Variants in CDH3 observed in about 807,000 individuals in gnomAD.
CDH3 encodes cadherin-3.
CDH3 carries 54 observed loss-of-function variants against 82.0 expected under a neutral mutation model. The observed-to-expected ratio is 0.66, with a 90% confidence interval of 0.53 to 0.83. The LOEUF is 0.83. Ranked by LOEUF, CDH3 falls within the 40% of genes least tolerant of loss-of-function variation. The pLI, the probability that CDH3 is intolerant of heterozygous loss-of-function variation, is 0.00. For missense variants in CDH3, 1,054 were observed against 1,084.6 expected, an observed-to-expected ratio of 0.97 and a Z score of 0.40; for synonymous variants, 446 against 437.9, an observed-to-expected ratio of 1.02 and a Z score of -0.23.
At chr16:68,655,785 C>T (rs1345709847) in intron 2 of CDH3, among the ~76,000 whole-genome samples, 1 of 152,118 alleles carries the variant, frequency 6.6e-6, no homozygotes, top group Admixed American at 6.5e-5. Context: ...ATGGCTTGAA[C>T]CCAGGAGGCA....
chr16:68,655,855 G>A (rs1432563811), intron 2 of CDH3, among the ~76,000 whole-genome samples: 2 of 151,946 alleles, frequency 1.3e-5, no homozygotes, highest in South Asian at 2.1e-4. Context: ...AGAGCGAGAC[G>A]CCGTCTCAAA....
At chr16:68,696,119 G>A in intron 15 of CDH3, 196 bp downstream of exon 15, 2 of 666,906 alleles carry the variant, frequency 3.0e-6, no homozygotes, top group East Asian at 2.9e-5. Flanking sequence ...CTTGCAGAGT[G>A]GTTAAAAATG....
intron 1 of CDH3, among the ~76,000 whole-genome samples, chr16:68,711,827 A>G (rs1962034627): frequency 6.6e-6 from 1 of 152,060 alleles, no homozygotes; most frequent in Non-Finnish European, 1.5e-5. Flanking sequence ...GTCACCTTTC[A>G]GTATCGGACA....
At chr16:68,685,055 T>C in intron 10 of CDH3, 150 bp from the exon 11 acceptor site, 1 of 1,077,788 alleles carries the variant, frequency 9.3e-7, no homozygotes, top group South Asian at 1.3e-5. Flanking sequence ...CCTGCTGCTT[T>C]AGGTCCCCGT....
chr16:68,656,752 T>G (rs2152091909), intron 2 of CDH3, among the ~76,000 whole-genome samples: 1 of 152,284 alleles, frequency 6.6e-6, no homozygotes, highest in Non-Finnish European at 1.5e-5. Context: ...AGAGGAAGAT[T>G]GGAAATAGTT....
intron 8 of CDH3, 124 bp from the exon 9 acceptor site, chr16:68,682,177 TG>T: frequency 9.5e-7 from 1 of 1,057,110 alleles, no homozygotes; most frequent in Non-Finnish European, 1.4e-6. Flanking sequence ...CCCCGCAAAG[TG>T]GGTGGGTGGT....
chr16:68,713,596 G>C (rs189246246), intron 1 of CDH3, among the ~76,000 whole-genome samples: 79 of 152,232 alleles, frequency 5.2e-4, no homozygotes, highest in African/African-American at 1.8e-3. Context: ...AGCTATGCCA[G>C]AGTGACCTTT....
At chr16:68,706,782 G>A (rs1179117818) in intron 1 of CDH3, among the ~76,000 whole-genome samples, 2 of 151,916 alleles carry the variant, frequency 1.3e-5, no homozygotes, top group Non-Finnish European at 2.9e-5. Flanking sequence ...TCGAACTCTT[G>A]ACCTCAAATG....
chr16:68,661,273 C>G (rs1960569491), intron 2 of CDH3, among the ~76,000 whole-genome samples: 1 of 152,094 alleles, frequency 6.6e-6, no homozygotes, highest in African/African-American at 2.4e-5. Context: ...AATTGGGGTC[C>G]CAGAGCCACT....
At chr16:68,683,685 ATCCAGCCTGGACAACATGG>A in intron 9 of CDH3, among the ~76,000 whole-genome samples, 1 of 28,396 alleles carries the variant, frequency 3.5e-5, no homozygotes, top group African/African-American at 1.4e-4. Context: ...AAAAAAGAAA[ATCCAGCCTGGACAACATGG>A]AGAAAAAAAA....
chr16:68,671,144 AGATT>A (rs1266948496), intron 2 of CDH3, among the ~76,000 whole-genome samples: 4 of 150,350 alleles, frequency 2.7e-5, no homozygotes, highest in Admixed American at 6.6e-5. Flanking sequence ...GAGGGATTTT[AGATT>A]GATGTACTTT....
chr16:68,714,695 C>T (rs780889784), intron 1 of CDH3, among the ~76,000 whole-genome samples: 4 of 152,074 alleles, frequency 2.6e-5, no homozygotes, highest in South Asian at 2.1e-4. Flanking sequence ...AAATGTATTC[C>T]GAGCACTTTA....
chr16:68,703,678 G>A (rs1961923837), downstream of CDH3, among the ~76,000 whole-genome samples: 1 of 152,242 alleles, frequency 6.6e-6, no homozygotes, highest in Non-Finnish European at 1.5e-5. Flanking sequence ...TGGGCATGGT[G>A]GCTCACACCT....
intron 1 of CDH3, among the ~76,000 whole-genome samples, chr16:68,713,408 C>T (rs1962055447): frequency 6.6e-6 from 1 of 151,894 alleles, no homozygotes; most frequent in Non-Finnish European, 1.5e-5. Context: ...GACCCTGGAG[C>T]TGCCAGGGAA....
chr16:68,661,866 T>C (rs1025681978), intron 2 of CDH3, among the ~76,000 whole-genome samples: 2 of 152,166 alleles, frequency 1.3e-5, no homozygotes, highest in South Asian at 4.1e-4. Flanking sequence ...TTTTTTTGTG[T>C]TTTTAGTAGA....
chr16:68,671,666 C>T (rs368287573), intron 2 of CDH3, among the ~76,000 whole-genome samples: 57 of 150,372 alleles, frequency 3.8e-4, no homozygotes, highest in Non-Finnish European at 5.3e-4. Flanking sequence ...GGACTACAGG[C>T]GCAGGCCACC....
intron 3 of CDH3, among the ~76,000 whole-genome samples, chr16:68,676,711 T>G (rs1210508493): frequency 2.6e-5 from 4 of 152,208 alleles, no homozygotes; most frequent in African/African-American, 9.6e-5. Flanking sequence ...AGCTGCCTTG[T>G]GAGTAATCAC....
chr16:68,715,000 C>T (rs933571484), intron 1 of CDH3, among the ~76,000 whole-genome samples: 4 of 151,976 alleles, frequency 2.6e-5, no homozygotes, highest in African/African-American at 9.7e-5. Flanking sequence ...GAACAAGACC[C>T]TGTCTCAAAA....
In CDH3 at chr16:68,687,568, G is replaced by A. The variant is rs755799212; in HGVS notation, c.1627G>A (p.Asp543Asn). ...TCTGCTAACACTGATTGATGTCAAT[G>A]ACCATGGCCCAGTCCCTGAGCCCCG... is the stretch of plus-strand genomic sequence containing the variant. ...TLLLTLIDVN[D>N]HGPVPEPRQI... Residue 543 changes from aspartate (D) to asparagine (N), a missense_variant, in exon 12 of 16, where the codon GAC becomes AAC. Transcript: ENST00000264012. 4.3e-6 allele frequency: 7 copies of A among 1,613,994 alleles called. No individual in the cohort carries two copies. Among genetic ancestry groups the A allele is most frequent in the South Asian group, 2.2e-5 (2 of 91,072 alleles).
Sources: gnomAD v4.1 joint callset for allele counts (sites outside exome capture counted in the v4.1 genomes callset) on GRCh38, gnomAD v4.1.1 for gene constraint, MANE v1.5 for transcripts, NCBI Gene and HGNC (gene_info 2026-07-23, HGNC 2026-07-21) for gene names.